The following TRDN variants were observed in gnomAD, a reference collection of about 807,000 sequenced individuals.
TRDN encodes the protein triadin in skeletal muscle.
Under a neutral mutation model 149.7 loss-of-function variants are expected in TRDN, and 161 were observed. That is an observed-to-expected ratio of 1.08 (90% CI 0.95 to 1.23). The LOEUF is 1.23. TRDN is among the 50% of genes most tolerant of loss of function. The pLI is 0.00. For synonymous variants in TRDN, 294 were observed against 250.5 expected, an observed-to-expected ratio of 1.17 and a Z score of -1.64; for missense variants, 896 against 823.5, an observed-to-expected ratio of 1.09 and a Z score of -1.08.
At chr6:123,621,325 C>T (rs9490836) in intron 1 of TRDN, among the ~76,000 whole-genome samples, 1,638 of 152,062 alleles carry the variant, frequency 0.011, 25 homozygotes, top group African/African-American at 0.038. Flanking sequence ...TAGGAGACAC[C>T]CACAAGGTCA....
intron 9 of TRDN, among the ~76,000 whole-genome samples, chr6:123,465,582 CAAAAAAA>C (rs1223948612): frequency 5.3e-4 from 35 of 65,566 alleles, no homozygotes; most frequent in East Asian, 1.4e-3. Context: ...TTATGAACTG[CAAAAAAA>C]AAAAAAAAAA....
intron 23 of TRDN, among the ~76,000 whole-genome samples, chr6:123,321,125 T>A (rs1420948463): frequency 2.6e-5 from 4 of 152,148 alleles, no homozygotes; most frequent in Non-Finnish European, 5.9e-5. Context: ...AGGTCTAAAA[T>A]CAGACTGCCA....
chr6:123,435,898 A>G (rs1774541837), intron 12 of TRDN, among the ~76,000 whole-genome samples: 1 of 152,010 alleles, frequency 6.6e-6, no homozygotes, highest in Non-Finnish European at 1.5e-5. Flanking sequence ...CAGGTCTCCC[A>G]GTGGCAGGGG....
At chr6:123,409,555 T>G (rs1426730466) in intron 12 of TRDN, among the ~76,000 whole-genome samples, 1 of 152,192 alleles carries the variant, frequency 6.6e-6, no homozygotes, top group Non-Finnish European at 1.5e-5. Flanking sequence ...TCTTCCTACT[T>G]TTGAATGTTA....
rs1554256527 is a variant in TRDN at position 123,551,342 on chromosome 6, T to TATATACACACACAC, written c.233-2731_233-2730insGTGTGTGTGTATAT. On this transcript the variant is annotated intron_variant, in intron 2 of 40. Coordinates refer to ENST00000334268, the MANE Select transcript of TRDN (RefSeq NM_006073.4). Reference sequence around the variant, plus strand: ...TGGACCACTTCTTCCAAAACCTAAATACACACACACACACACACACACACA... The same window carrying TATATACACACACAC: ...TGGACCACTTCTTCCAAAACCTAAATATATACACACACACACACACACACACACACACACACACA... Among the ~76,000 whole-genome samples the TATATACACACACAC allele has an allele frequency of 1.2e-4, 17 of 141,198 alleles. 1 individual carries two copies. The highest frequency in any genetic ancestry group is 4.5e-4 in the African/African-American group (17 of 37,424). The allele number at this position is 141,198 out of a possible 152,430, so 92.6% of individuals were successfully genotyped here.
rs113675721 is a variant in TRDN at position 123,625,594 on chromosome 6, G to A, written c.22+11160C>T. ...TGTACATTTAAAAATAACTAAAAGA[G>A]TATAACTGGACTGTTTCTAACACAA... On this transcript the variant is annotated intron_variant, in intron 1 of 40. Transcript: ENST00000334268. Among the ~76,000 whole-genome samples the A allele has an allele frequency of 1.7e-3, 255 of 152,212 alleles. 1 individual carries two copies. Among genetic ancestry groups the A allele is most frequent in the African/African-American group, 5.9e-3 (246 of 41,544 alleles).
intron 38 of TRDN, among the ~76,000 whole-genome samples, chr6:123,246,488 A>G (rs1037819363): frequency 3.3e-5 from 5 of 152,182 alleles, no homozygotes; most frequent in Admixed American, 3.3e-4. Context: ...TCTAGAAGAA[A>G]TGGATAAATT....
chr6:123,344,764 A>G (rs1210153082), intron 21 of TRDN, among the ~76,000 whole-genome samples: 1 of 152,046 alleles, frequency 6.6e-6, no homozygotes, highest in Non-Finnish European at 1.5e-5. Flanking sequence ...TTGCATATAC[A>G]TAAGTTTTCA....
At chr6:123,396,448 T>C (rs1302407980) in intron 12 of TRDN, among the ~76,000 whole-genome samples, 1 of 152,160 alleles carries the variant, frequency 6.6e-6, no homozygotes, top group African/African-American at 2.4e-5. Flanking sequence ...TAAAGTACAA[T>C]GACTTAAATA....
At chr6:123,232,987 A>G (rs1775661975) in intron 38 of TRDN, among the ~76,000 whole-genome samples, 1 of 152,104 alleles carries the variant, frequency 6.6e-6, no homozygotes. Flanking sequence ...CCTCGTAAGT[A>G]AACATGTGGA....
chr6:123,340,197 CTG>C (rs2114742440), intron 21 of TRDN, among the ~76,000 whole-genome samples: 1 of 152,116 alleles, frequency 6.6e-6, no homozygotes, highest in Admixed American at 6.6e-5. Context: ...AGACAAAAGA[CTG>C]AAATAGTGGA....
At chr6:123,498,025 T>C (rs1778524624) in intron 8 of TRDN, among the ~76,000 whole-genome samples, 1 of 152,156 alleles carries the variant, frequency 6.6e-6, no homozygotes. Context: ...GCACTTAACT[T>C]TAAATCCTCA....
chr6:123,494,756 T>C (rs1007195660), intron 9 of TRDN, among the ~76,000 whole-genome samples: 39 of 152,082 alleles, frequency 2.6e-4, no homozygotes, highest in Non-Finnish European at 1.0e-4. Flanking sequence ...TTTTTTGAGA[T>C]GGAGTCTTGC....
At chr6:123,316,699 T>C (rs890288555) in intron 23 of TRDN, among the ~76,000 whole-genome samples, 1 of 151,874 alleles carries the variant, frequency 6.6e-6, no homozygotes, top group Non-Finnish European at 1.5e-5. Context: ...TAAGCAAAAA[T>C]ACTTTGATTT....
At chr6:123,532,653 A>T (rs9490799) in intron 4 of TRDN, among the ~76,000 whole-genome samples, 85,475 of 151,430 alleles carry the variant, frequency 0.56, 25,133 homozygotes, top group Non-Finnish European at 0.65. Context: ...ATAATTTTTT[A>T]AAAGTATAAA....
At chr6:123,369,174 T>A (rs1290119103) in intron 19 of TRDN, among the ~76,000 whole-genome samples, 1 of 152,166 alleles carries the variant, frequency 6.6e-6, no homozygotes, top group Non-Finnish European at 1.5e-5. Context: ...GCTGCGTTGC[T>A]GCAATTTCTG....
intron 10 of TRDN, among the ~76,000 whole-genome samples, chr6:123,459,613 C>G (rs1776334481): frequency 6.6e-6 from 1 of 152,160 alleles, no homozygotes; most frequent in African/African-American, 2.4e-5. Context: ...TTTAAAAGTA[C>G]TATATTCATT....
chr6:123,579,748 CAT>C (rs1045909452), intron 1 of TRDN, among the ~76,000 whole-genome samples: 72 of 152,250 alleles, frequency 4.7e-4, no homozygotes, highest in African/African-American at 1.6e-3. Context: ...ATAATCCCCA[CAT>C]GTCAAGAGAG....
chr6:123,381,283 T>C (rs1781710268), intron 16 of TRDN, 87 bp downstream of exon 16: 2 of 1,257,948 alleles, frequency 1.6e-6, no homozygotes, highest in Non-Finnish European at 2.2e-6. Flanking sequence ...GAAAAGCGGA[T>C]TCAAAATTGC....
Sources: allele counts gnomAD v4.1 joint callset (sites outside exome capture counted in the v4.1 genomes callset), GRCh38; gene constraint gnomAD v4.1.1; transcripts MANE v1.5; gene names NCBI Gene and HGNC (gene_info 2026-07-23, HGNC 2026-07-21).